Variants in LARGE1 observed in about 807,000 individuals in gnomAD.
The protein encoded by LARGE1 is LARGE xylosyl- and glucuronyltransferase 1.
A neutral mutation model predicts 87.6 loss-of-function variants in LARGE1; 43 were observed. The ratio of observed to expected loss-of-function variants is 0.49; its 90% CI spans 0.38 to 0.63. The LOEUF (loss-of-function observed/expected upper bound fraction) is 0.63. Ranked by LOEUF, LARGE1 falls within the 30% of genes least tolerant of loss-of-function variation. LARGE1 has a pLI of 0.00. For synonymous variants in LARGE1, 434 were observed against 394.6 expected (o/e 1.10, Z -1.18); for missense variants, 802 against 1,000.2 (o/e 0.80, Z 2.67).
intron 3 of LARGE1, among the ~76,000 whole-genome samples, chr22:33,639,781 T>C (rs147396374): frequency 6.6e-6 from 1 of 152,164 alleles, no homozygotes; most frequent in Non-Finnish European, 1.5e-5. Flanking sequence ...TGAGTGAAGA[T>C]CAAAGGGGAT....
intron 9 of LARGE1, among the ~76,000 whole-genome samples, chr22:33,360,725 G>A (rs1335394092): frequency 6.7e-6 from 1 of 149,598 alleles, no homozygotes; most frequent in East Asian, 1.9e-4. Flanking sequence ...TAGTGGGAGA[G>A]TGTTAAGTGA....
chr22:33,142,848 C>T, the LARGE1 span, among the ~76,000 whole-genome samples: 8,711 of 152,202 alleles, frequency 0.057, 386 homozygotes, highest in Non-Finnish European at 0.082. Context: ...CAGAGCCTGG[C>T]TGGCACATGT....
intron 6 of LARGE1, among the ~76,000 whole-genome samples, chr22:33,545,419 A>AACACACACACACACAC (rs55754949): frequency 0.011 from 1,605 of 144,006 alleles, 10 homozygotes; most frequent in Non-Finnish European, 0.015. Flanking sequence ...ACACCCAGCT[A>AACACACACACACACAC]ACACACACAC....
intron 2 of LARGE1, among the ~76,000 whole-genome samples, chr22:33,689,990 C>CTTTCACA (rs2082052399): frequency 6.6e-6 from 1 of 152,098 alleles, no homozygotes; most frequent in Non-Finnish European, 1.5e-5. Flanking sequence ...TAATGTACAT[C>CTTTCACA]TTTCACATTA....
chr22:33,287,614 T>C (rs756660663), intron 12 of LARGE1, among the ~76,000 whole-genome samples: 6 of 152,230 alleles, frequency 3.9e-5, no homozygotes, highest in Admixed American at 2.0e-4. Flanking sequence ...TTCTGTGTTC[T>C]GTTAGTACAT....
intron 6 of LARGE1, among the ~76,000 whole-genome samples, chr22:33,487,382 C>T (rs1265432488): frequency 6.6e-6 from 1 of 152,190 alleles, no homozygotes; most frequent in East Asian, 1.9e-4. Flanking sequence ...ATGAAAATCA[C>T]CAATTCCTCT....
chr22:33,868,157 G>A (rs1204257153), intron 1 of LARGE1, among the ~76,000 whole-genome samples: 4 of 152,264 alleles, frequency 2.6e-5, no homozygotes, highest in Admixed American at 6.5e-5. Flanking sequence ...CGTTCCAAAT[G>A]GTGACAACAG....
intron 6 of LARGE1, among the ~76,000 whole-genome samples, chr22:33,432,630 T>C (rs996124133): frequency 3.3e-5 from 5 of 152,036 alleles, no homozygotes; most frequent in Non-Finnish European, 7.4e-5. Context: ...TCCTAACTCA[T>C]GGAGCACATA....
At chr22:33,123,216 A>G in the LARGE1 span, among the ~76,000 whole-genome samples, 2 of 87,802 alleles carry the variant, frequency 2.3e-5, no homozygotes, top group South Asian at 1.1e-3. Context: ...GTAGAGGGCC[A>G]TAAAGCCTGC....
chr22:33,718,238 C>T lies in LARGE1; in HGVS notation c.106+43133G>A, dbSNP rs1003635613. Among the ~76,000 whole-genome samples the T allele has an allele frequency of 9.2e-5, 14 of 152,154 alleles. No individual in the cohort carries two copies. The South Asian group carries it at 2.9e-3, about 32-fold the overall frequency. ...ACCAACAGGCTGACCAAAGAAGAGG[C>T]CCATCCTCCTGCTCTGAGAACCCCC... On this transcript the variant is annotated intron_variant, in intron 2 of 14. Coordinates refer to ENST00000397394, the MANE Select transcript of LARGE1 (RefSeq NM_133642.5).
At chr22:33,796,136 T>C (rs1429471039) in intron 1 of LARGE1, among the ~76,000 whole-genome samples, 1 of 152,192 alleles carries the variant, frequency 6.6e-6, no homozygotes, top group Non-Finnish European at 1.5e-5. Flanking sequence ...AATGTGGCAT[T>C]TGTATGTACC....
chr22:33,712,676 G>GTT (rs1569396370), intron 2 of LARGE1, among the ~76,000 whole-genome samples: 2 of 138,260 alleles, frequency 1.4e-5, no homozygotes, highest in Non-Finnish European at 3.1e-5. Context: ...GTGTGTGTGT[G>GTT]TGTGTGTGTC....
chr22:33,677,159 C>T (rs2081606787), intron 2 of LARGE1, among the ~76,000 whole-genome samples: 1 of 151,930 alleles, frequency 6.6e-6, no homozygotes, highest in Non-Finnish European at 1.5e-5. Flanking sequence ...TTCTTCTCAC[C>T]ATCCCCTGCA....
intron 11 of LARGE1, among the ~76,000 whole-genome samples, chr22:33,188,478 T>C (rs1019054692): frequency 1.3e-5 from 2 of 152,148 alleles, no homozygotes; most frequent in Non-Finnish European, 2.9e-5. Context: ...AGGCAGCCTC[T>C]TGTGGCATCC....
chr22:33,092,361 C>T, the LARGE1 span, among the ~76,000 whole-genome samples: 6,219 of 152,126 alleles, frequency 0.041, 319 homozygotes, highest in East Asian at 0.25. Context: ...TGGGCAAGTC[C>T]TATGGGGAGG....
chr22:33,124,394 A>AAGGAAGGAAGGAAGGAAGGAAGGAAGG, the LARGE1 span, among the ~76,000 whole-genome samples: 3 of 151,398 alleles, frequency 2.0e-5, no homozygotes, highest in African/African-American at 2.4e-5. Flanking sequence ...GGGAGGAAGG[A>AAGGAAGGAAGGAAGGAAGGAAGGAAGG]AAATGATGGC....
At chr22:33,892,900 T>A (rs1388823781) in intron 1 of LARGE1, among the ~76,000 whole-genome samples, 3 of 152,232 alleles carry the variant, frequency 2.0e-5, no homozygotes, top group Non-Finnish European at 4.4e-5. Context: ...CAGGCACACA[T>A]CATGCCCTAT....
intron 10 of LARGE1, among the ~76,000 whole-genome samples, chr22:33,327,117 T>TA (rs1937313612): frequency 6.6e-6 from 1 of 152,232 alleles, no homozygotes; most frequent in African/African-American, 2.4e-5. Context: ...TCTTCTGAGA[T>TA]ACAGCTGTTT....
At chr22:33,820,161 C>T (rs925470050) in intron 1 of LARGE1, among the ~76,000 whole-genome samples, 11 of 152,120 alleles carry the variant, frequency 7.2e-5, no homozygotes, top group Admixed American at 7.2e-4. Flanking sequence ...ACTAATGTAC[C>T]ATTCTTCCTG....
Sources: allele counts gnomAD v4.1 joint callset (sites outside exome capture counted in the v4.1 genomes callset), GRCh38; gene constraint gnomAD v4.1.1; transcripts MANE v1.5; gene names NCBI Gene and HGNC (gene_info 2026-07-23, HGNC 2026-07-21).